TET2: variants seen among roughly 807,000 people sequenced by gnomAD.
The protein encoded by TET2 is methylcytosine dioxygenase TET2.
Under a neutral mutation model 142.9 loss-of-function variants are expected in TET2, and 299 were observed. The observed-to-expected ratio is 2.09, with a 90% CI of 1.90 to 2.30. The LOEUF (loss-of-function observed/expected upper bound fraction) is 2.30, where lower values mean the gene tolerates loss of function less well. Ranked by LOEUF, TET2 falls within the 30% of genes most tolerant of loss-of-function variation. The pLI is 0.00. For missense variants in TET2, 2,418 were observed against 2,378.0 expected, an observed-to-expected ratio of 1.02 and a Z score of -0.35; for synonymous variants, 819 against 849.0, an observed-to-expected ratio of 0.96 and a Z score of 0.61.
In TET2 at chr4:105,276,432, G is replaced by A; in HGVS notation, c.5922G>A (p.Arg1974=). 6.4e-6 allele frequency: 10 copies of A among 1,551,832 alleles called. No homozygotes were observed. Among genetic ancestry groups the A allele is most frequent in the Non-Finnish European group, 8.7e-6 (10 of 1,147,008 alleles). The change falls in exon 11 of 11, where the codon AGG becomes AGA. Residue 1974 remains arginine, a synonymous_variant. Transcript: ENST00000380013. ...YLRFIKSLAE[R]TMSVTTDSTV... is the part of the protein sequence containing the mutation. The stretch of plus-strand genomic sequence containing the variant: ...GTTTCATCAAGTCTCTTGCCGAAAG[G>A]ACCATGTCCGTGACCACAGACTCCA...
Position 105,278,171 on chromosome 4 carries a change from C to CATATATATATATATATATATATAT in TET2, c.*1661_*1684dup, listed in dbSNP as rs61328453. 9 of 113,916 alleles carry CATATATATATATATATATATATAT rather than the reference C, an allele frequency of 7.9e-5. No individual in the cohort carries two copies. The highest frequency in any genetic ancestry group is 2.0e-4 in the African/African-American group (5 of 24,422). 7.1% of individuals were successfully genotyped at this position (113,916 alleles called of 1,614,324 possible). ...GTACTGTAAAAAAATTAAATATATA[C>CATATATATATATATATATATATAT]ATATATATATATATATATATATATA... On this transcript the variant is annotated 3_prime_UTR_variant, in exon 11 of 11. Transcript: ENST00000380013.
chr4:105,148,539 T>C (rs1202017157), intron 1 of TET2, among the ~76,000 whole-genome samples: 4 of 152,176 alleles, frequency 2.6e-5, no homozygotes, highest in African/African-American at 4.8e-5. Flanking sequence ...TTAAGGGAAG[T>C]TGGGATTCAC....
At chr4:105,148,064 A>G (rs1199840808) in intron 1 of TET2, among the ~76,000 whole-genome samples, 1 of 151,626 alleles carries the variant, frequency 6.6e-6, no homozygotes, top group Non-Finnish European at 1.5e-5. Flanking sequence ...ACACATACAC[A>G]CACACACACA....
Position 105,275,334 on chromosome 4 carries a change from T to A in TET2, c.4824T>A (p.Tyr1608Ter). 1 of 1,551,878 alleles carries A rather than the reference T, an allele frequency of 6.4e-7. No homozygotes were observed. Among genetic ancestry groups the A allele is most frequent in the Non-Finnish European group, 8.7e-7 (1 of 1,147,024 alleles). The stretch of plus-strand genomic sequence containing the variant: ...CCTCATCTCAAGCTGCAGGTTCATA[T>A]TTGAATTCTTCTAATCCCATGAACC... The part of the protein sequence containing the change: ...YSTSSQAAGS[Y>*]LNSSNPMNPY... Residue 1608 changes from tyrosine to a stop codon, truncating the protein, a stop_gained, in exon 11 of 11, where the codon TAT becomes TAA. Coordinates refer to ENST00000380013, the MANE Select transcript of TET2 (RefSeq NM_001127208.3). LOFTEE classifies it low-confidence loss of function (END_TRUNC).
At chr4:105,174,464 G>A (rs1465952917) in intron 1 of TET2, among the ~76,000 whole-genome samples, 1 of 152,154 alleles carries the variant, frequency 6.6e-6, no homozygotes, top group Non-Finnish European at 1.5e-5. Context: ...AATCTTCTTA[G>A]ATCTGTCAGA....
At chr4:105,180,389 T>G (rs927350385) in intron 1 of TET2, among the ~76,000 whole-genome samples, 5 of 152,204 alleles carry the variant, frequency 3.3e-5, no homozygotes, top group African/African-American at 1.2e-4. Context: ...AAATACAAAT[T>G]ATTACATGCC....
chr4:105,240,239 A>G, intron 3 of TET2: 1 of 581,798 alleles, frequency 1.7e-6, no homozygotes, highest in Non-Finnish European at 2.3e-6. Context: ...AACACGTGGG[A>G]TTGCCACAAA....
intron 8 of TET2, among the ~76,000 whole-genome samples, chr4:105,267,077 GA>G (rs953841817): frequency 1.5e-4 from 23 of 151,724 alleles, no homozygotes; most frequent in African/African-American, 5.6e-4. Flanking sequence ...GAAGATGTAA[GA>G]GAAACATCTT....
Position 105,275,246 on chromosome 4 carries a change from AT to A in TET2, c.4737del (p.Pro1580GlnfsTer16). Reference sequence around the variant, plus strand: ...AGACGGCCCAATCCAGTTAGTCCTTATCCAAACTCTTCACACACTTCAGATA... The same window carrying A: ...AGACGGCCCAATCCAGTTAGTCCTTACCAAACTCTTCACACACTTCAGATA... Reference protein sequence around the residue: ...YMRRPNPVSPYPNSSHTSDIY... With the variant: ...YMRRPNPVSPXPNSSHTSDIY... On this transcript the variant is annotated frameshift_variant, in exon 11 of 11. Coordinates refer to ENST00000380013, the MANE Select transcript of TET2 (RefSeq NM_001127208.3). LOFTEE classifies it low-confidence loss of function (END_TRUNC). The A allele has an allele frequency of 6.4e-7, 1 of 1,552,288 alleles. No individual in the cohort carries two copies.
intron 6 of TET2, among the ~76,000 whole-genome samples, chr4:105,256,884 T>C (rs1730162761): frequency 6.6e-6 from 1 of 152,176 alleles, no homozygotes; most frequent in African/African-American, 2.4e-5. Context: ...ACTGCAGTTA[T>C]TACACTTTCA....
intron 3 of TET2, chr4:105,237,923 T>C (rs1729054134): frequency 6.9e-6 from 7 of 1,014,402 alleles, no homozygotes; most frequent in Non-Finnish European, 7.2e-6. Context: ...TGATTTATAT[T>C]CATTTTGATT....
rs565016186 is a variant in TET2 at position 105,277,820 on chromosome 4, T to G, written c.*1301T>G. 2.2e-5 allele frequency: 5 copies of G among 226,266 alleles called. No individual in the cohort carries two copies. The highest frequency in any genetic ancestry group is 4.4e-5 in the Non-Finnish European group (5 of 113,756). The allele number at this position is 226,266 out of a possible 1,614,324, so 14.0% of individuals were successfully genotyped here. On this transcript the variant is annotated 3_prime_UTR_variant, in exon 11 of 11. Transcript: ENST00000380013. ...TGCAGACTCAACAAAGCTAGTTCAC[T>G]GAAGCCTATGCTATTTTATGGATCA...
In TET2 at chr4:105,279,234, G is replaced by A. The variant is rs551387736; in HGVS notation, c.*2715G>A. 8.6e-6 allele frequency: 2 copies of A among 232,082 alleles called. No homozygotes were observed. Among genetic ancestry groups the A allele is most frequent in the Admixed American group, 5.6e-5 (1 of 17,742 alleles). 14.4% of individuals were successfully genotyped at this position (232,082 alleles called of 1,614,324 possible). ...TCCATTCTTAATATTTGATTTCTGT[G>A]TCACCTACTGTCATTTGTTAAACTG... On this transcript the variant is annotated 3_prime_UTR_variant, in exon 11 of 11. Coordinates refer to ENST00000380013, the MANE Select transcript of TET2 (RefSeq NM_001127208.3).
intron 2 of TET2, among the ~76,000 whole-genome samples, chr4:105,227,700 T>C (rs568300201): frequency 6.6e-6 from 1 of 152,306 alleles, no homozygotes; most frequent in East Asian, 1.9e-4. Context: ...ATTTTTGTTC[T>C]TAGTCTCTGA....
chr4:105,235,686 A>G lies in TET2; in HGVS notation c.1744A>G (p.Asn582Asp). 6.2e-7 allele frequency: 1 copy of G among 1,614,194 alleles called. No homozygotes were observed. The highest frequency in any genetic ancestry group is 8.5e-7 in the Non-Finnish European group (1 of 1,180,022). ...FHQAESHLKRNEASLPSILQY... is the reference protein window; with the variant it reads ...FHQAESHLKRDEASLPSILQY... ...CCAAGCGGAATCCCATCTAAAACGT[A>G]ATGAGGCATCACTGCCATCAATTCT... is the stretch of plus-strand genomic sequence containing the variant. Residue 582 changes from asparagine (N) to aspartate (D), a missense_variant, in exon 3 of 11, where the codon AAT becomes GAT. Transcript: ENST00000380013.
At chr4:105,200,352 G>A (rs1300796081) in intron 2 of TET2, among the ~76,000 whole-genome samples, 1 of 152,132 alleles carries the variant, frequency 6.6e-6, no homozygotes, top group Non-Finnish European at 1.5e-5. Context: ...TTTGTAAAGT[G>A]TCTGTTCATG....
intron 1 of TET2, among the ~76,000 whole-genome samples, chr4:105,157,907 CCT>C (rs1723647032): frequency 1.3e-5 from 2 of 152,128 alleles, no homozygotes; most frequent in African/African-American, 4.8e-5. Flanking sequence ...GAACTCCTGA[CCT>C]CTAGTGATCC....
rs1459979419 is a variant in TET2 at position 105,275,725 on chromosome 4, AGATTACC to A, written c.5216_5222del (p.Arg1739AsnfsTer4). On this transcript the variant is annotated frameshift_variant, in exon 11 of 11. Coordinates refer to ENST00000380013, the MANE Select transcript of TET2 (RefSeq NM_001127208.3). LOFTEE classifies it low-confidence loss of function (END_TRUNC). ...TGGCCACTTCATGGGAGCCACCTCT[AGATTACC>A]ACCCAATCTGAGCAATCCAAACATG... 1 of 1,551,826 alleles carries A rather than the reference AGATTACC, an allele frequency of 6.4e-7. No individual in the cohort carries two copies. The highest frequency in any genetic ancestry group is 8.7e-7 in the Non-Finnish European group (1 of 1,146,980).
In TET2 at chr4:105,275,452, TC is replaced by T; in HGVS notation, c.4944del (p.Tyr1649IlefsTer46). 1 of 1,551,690 alleles carries T rather than the reference TC, an allele frequency of 6.4e-7. No homozygotes were observed. On this transcript the variant is annotated frameshift_variant, in exon 11 of 11. Transcript: ENST00000380013. LOFTEE classifies it low-confidence loss of function (END_TRUNC). Reference protein sequence around the residue: ...SVDNCSPYLGSYSPQSQPMDL... With the variant: ...SVDNCSPYLGXYSPQSQPMDL... ...GGACAACTGCTCCCCATATCTGGGT[TC>T]CTATTCTCCCCAGTCTCAGCCGATG...
Sources: allele counts gnomAD v4.1 joint callset (sites outside exome capture counted in the v4.1 genomes callset), GRCh38; gene constraint gnomAD v4.1.1; transcripts MANE v1.5; gene names NCBI Gene and HGNC (gene_info 2026-07-23, HGNC 2026-07-21).